Variants in CHODL observed in about 807,000 individuals in gnomAD.
CHODL encodes transmembrane protein MT75.
In CHODL, 29 loss-of-function variants were observed where a neutral mutation model predicts 34.5. The ratio of observed to expected loss-of-function variants is 0.84; its 90% CI spans 0.63 to 1.15. CHODL has a LOEUF of 1.15. Ranked by LOEUF, CHODL falls within the 50% of genes most tolerant of loss-of-function variation. The pLI is 0.00. For missense variants in CHODL, 332 were observed against 332.5 expected, an observed-to-expected ratio of 1.00 and a Z score of 0.01; for synonymous variants, 125 against 116.1, an observed-to-expected ratio of 1.08 and a Z score of -0.49.
At chr21:18,250,826 G>A (rs996436000) in intron 1 of CHODL, among the ~76,000 whole-genome samples, 9 of 151,814 alleles carry the variant, frequency 5.9e-5, no homozygotes, top group Non-Finnish European at 1.3e-4. Context: ...CTGGTTTGGG[G>A]AATATTTACC....
intron 2 of CHODL, among the ~76,000 whole-genome samples, chr21:18,117,262 A>G (rs143736365): frequency 1.1e-3 from 171 of 152,318 alleles, no homozygotes; most frequent in Middle Eastern, 3.4e-3. Context: ...AGAAACTTGG[A>G]CAGCTGGAGC....
rs1380826041 is a variant in CHODL at position 18,158,257 on chromosome 21, G to A, written c.-44-98252G>A. Among the ~76,000 whole-genome samples the A allele has an allele frequency of 1.3e-5, 2 of 152,080 alleles. 1 individual carries two copies. Among genetic ancestry groups the A allele is most frequent in the East Asian group, 3.9e-4 (2 of 5,184 alleles). On this transcript the variant is annotated intron_variant, in intron 2 of 6. Transcript: ENST00000400127. ...ATCATTTTTTCTCTTTCAATCTTGA[G>A]TACTATTAAATCATTCATCCTTTCT...
At chr21:18,128,838 ATT>A (rs1168361752) in intron 2 of CHODL, among the ~76,000 whole-genome samples, 1 of 152,130 alleles carries the variant, frequency 6.6e-6, no homozygotes, top group East Asian at 1.9e-4. Flanking sequence ...TATTTGTAAA[ATT>A]AATAGTTTCA....
At chr21:18,058,841 T>A (rs2064618307) in intron 2 of CHODL, among the ~76,000 whole-genome samples, 1 of 152,172 alleles carries the variant, frequency 6.6e-6, no homozygotes, top group Admixed American at 6.5e-5. Flanking sequence ...AATTCTCCCA[T>A]AATCATTCAT....
intron 1 of CHODL, among the ~76,000 whole-genome samples, chr21:18,003,790 A>T (rs1308704618): frequency 6.6e-6 from 1 of 152,198 alleles, no homozygotes; most frequent in African/African-American, 2.4e-5. Context: ...AGATCGTTCC[A>T]GCACAGGGCT....
chr21:17,990,882 C>T (rs2146387534), intron 1 of CHODL, among the ~76,000 whole-genome samples: 1 of 152,016 alleles, frequency 6.6e-6, no homozygotes, highest in South Asian at 2.1e-4. Context: ...TTAAAGTCAC[C>T]CTACTGTGCT....
At chr21:18,087,620 C>G (rs1194499009) in intron 2 of CHODL, among the ~76,000 whole-genome samples, 1 of 152,092 alleles carries the variant, frequency 6.6e-6, no homozygotes, top group Non-Finnish European at 1.5e-5. Context: ...TTAAACTCAG[C>G]CTGAGGGTAG....
chr21:17,975,154 T>C (rs1043070557), intron 1 of CHODL, among the ~76,000 whole-genome samples: 1 of 151,960 alleles, frequency 6.6e-6, no homozygotes, highest in Non-Finnish European at 1.5e-5. Context: ...GGTGAAAGAT[T>C]ATGTCCTTTT....
chr21:18,212,769 T>C (rs2073787015), intron 2 of CHODL, among the ~76,000 whole-genome samples: 1 of 152,260 alleles, frequency 6.6e-6, no homozygotes, highest in African/African-American at 2.4e-5. Flanking sequence ...TTTGATTCTT[T>C]CTTCATCTAT....
chr21:18,231,633 T>TC (rs1364436229), intron 2 of CHODL, among the ~76,000 whole-genome samples: 1 of 152,130 alleles, frequency 6.6e-6, no homozygotes, highest in Non-Finnish European at 1.5e-5. Flanking sequence ...CACCCTTTTT[T>TC]CATCCACGCT....
chr21:18,155,827 T>C (rs2824664), intron 2 of CHODL, among the ~76,000 whole-genome samples: 14,268 of 152,250 alleles, frequency 0.094, 923 homozygotes, highest in Middle Eastern at 0.2. Context: ...CTGATTTAAT[T>C]CTAGTCTTTT....
chr21:18,193,893 A>G (rs2073548981), intron 2 of CHODL, among the ~76,000 whole-genome samples: 1 of 152,024 alleles, frequency 6.6e-6, no homozygotes, highest in Non-Finnish European at 1.5e-5. Context: ...TTCTCGCCCT[A>G]GAAACCTGCC....
intron 2 of CHODL, among the ~76,000 whole-genome samples, chr21:18,183,163 C>G (rs1197702134): frequency 6.6e-6 from 1 of 152,226 alleles, no homozygotes; most frequent in Non-Finnish European, 1.5e-5. Context: ...ACACTTCACT[C>G]TCCCCCACAT....
intron 1 of CHODL, among the ~76,000 whole-genome samples, chr21:17,972,876 TACGTGACTTCAACTATA>T (rs1426617934): frequency 2.0e-5 from 3 of 152,176 alleles, no homozygotes; most frequent in Non-Finnish European, 4.4e-5. Context: ...GCCATCATAC[TACGTGACTTCAACTATA>T]CTACAATGTG....
intron 1 of CHODL, among the ~76,000 whole-genome samples, chr21:17,926,924 G>A (rs2063228126): frequency 6.6e-6 from 1 of 151,724 alleles, no homozygotes; most frequent in Non-Finnish European, 1.5e-5. Flanking sequence ...GGGCCATTTT[G>A]GAAATTGCCT....
At chr21:17,933,388 C>A (rs1407422574) in intron 1 of CHODL, among the ~76,000 whole-genome samples, 1 of 152,158 alleles carries the variant, frequency 6.6e-6, no homozygotes. Flanking sequence ...GTCCCTGCGG[C>A]CTTCCGCAGT....
intron 1 of CHODL, among the ~76,000 whole-genome samples, chr21:18,006,302 A>G (rs1329197113): frequency 6.6e-6 from 1 of 151,904 alleles, no homozygotes; most frequent in Non-Finnish European, 1.5e-5. Flanking sequence ...GCAAACCACC[A>G]TTGCACACGT....
chr21:18,248,800 G>C (rs1482655693), intron 1 of CHODL, among the ~76,000 whole-genome samples: 3 of 116,160 alleles, frequency 2.6e-5, no homozygotes, highest in Non-Finnish European at 4.8e-5. Flanking sequence ...GTATATGTGT[G>C]TATATATGTA....
intron 2 of CHODL, among the ~76,000 whole-genome samples, chr21:18,097,118 T>C (rs917366641): frequency 6.6e-6 from 1 of 152,134 alleles, no homozygotes; most frequent in Non-Finnish European, 1.5e-5. Context: ...TAGTATCATA[T>C]TGCAAGAGGA....
Sources: gnomAD v4.1 joint callset for allele counts (sites outside exome capture counted in the v4.1 genomes callset) on GRCh38, gnomAD v4.1.1 for gene constraint, MANE v1.5 for transcripts, NCBI Gene and HGNC (gene_info 2026-07-23, HGNC 2026-07-21) for gene names.